The following NDUFAF2 variants were observed in gnomAD, a reference collection of about 807,000 sequenced individuals.
The protein encoded by NDUFAF2 is NADH dehydrogenase [ubiquinone] 1 alpha subcomplex assembly factor 2.
In NDUFAF2, 13 loss-of-function variants were observed where a neutral mutation model predicts 22.8. That is an observed-to-expected ratio of 0.57 (90% CI 0.37 to 0.91). The LOEUF is 0.91. NDUFAF2 is among the 40% of genes least tolerant of loss of function. The pLI is 0.01. For synonymous variants in NDUFAF2, 53 were observed against 64.2 expected (o/e 0.83, Z 0.84); for missense variants, 162 against 195.2 (o/e 0.83, Z 1.01).
chr5:61,096,338 C>A (rs974922673), intron 2 of NDUFAF2, among the ~76,000 whole-genome samples: 1 of 152,126 alleles, frequency 6.6e-6, no homozygotes, highest in Admixed American at 6.5e-5. Context: ...TGGTGGCTCA[C>A]GCCTGTAATC....
chr5:60,972,100 G>A (rs894380208), intron 1 of NDUFAF2, among the ~76,000 whole-genome samples: 1 of 151,810 alleles, frequency 6.6e-6, no homozygotes, highest in South Asian at 2.1e-4. Flanking sequence ...ACGCCACCGA[G>A]CCTGGCTAAT....
chr5:61,023,029 T>C (rs1202855157), intron 1 of NDUFAF2, among the ~76,000 whole-genome samples: 1 of 152,182 alleles, frequency 6.6e-6, no homozygotes, highest in Non-Finnish European at 1.5e-5. Flanking sequence ...ATTTTTGTTT[T>C]TCCTAGACCC....
rs576653030 is a variant in NDUFAF2 at position 61,014,733 on chromosome 5, C to A, written c.128-58392C>A. 4.6e-5 allele frequency among the ~76,000 whole-genome samples: 7 copies of A among 152,220 alleles called. No individual in the cohort carries two copies. The East Asian group carries it at 5.8e-4, about 13-fold the overall frequency. On this transcript the variant is annotated intron_variant, in intron 1 of 3. Transcript: ENST00000296597. The stretch of plus-strand genomic sequence containing the variant: ...GAATAATTGGTTGGTGTGAAGAAAA[C>A]CCCCACATATTTGATTCCAGAAGTT...
intron 1 of NDUFAF2, among the ~76,000 whole-genome samples, chr5:60,962,170 T>G (rs1032760368): frequency 2.1e-4 from 27 of 125,966 alleles, no homozygotes; most frequent in South Asian, 1.1e-3. Context: ...GTTATCTTGG[T>G]TTTTTTTTTT....
intron 3 of NDUFAF2, among the ~76,000 whole-genome samples, chr5:61,136,836 C>G (rs1426773666): frequency 1.3e-5 from 2 of 152,154 alleles, no homozygotes; most frequent in East Asian, 3.8e-4. Flanking sequence ...GGGTATTTAT[C>G]CACCAATTTC....
At chr5:61,033,971 T>C (rs1378336851) in intron 1 of NDUFAF2, among the ~76,000 whole-genome samples, 2 of 152,180 alleles carry the variant, frequency 1.3e-5, no homozygotes, top group Non-Finnish European at 2.9e-5. Context: ...ACTTATGGCC[T>C]AATTCTGATC....
At chr5:60,966,278 A>T (rs1484624905) in intron 1 of NDUFAF2, among the ~76,000 whole-genome samples, 1 of 152,002 alleles carries the variant, frequency 6.6e-6, no homozygotes, top group Non-Finnish European at 1.5e-5. Flanking sequence ...TTAACCCTTT[A>T]TCAGGTGTAC....
intron 1 of NDUFAF2, among the ~76,000 whole-genome samples, chr5:60,971,999 G>A (rs1489833872): frequency 6.9e-6 from 1 of 144,930 alleles, no homozygotes; most frequent in Non-Finnish European, 1.5e-5. Context: ...CTGGAGTGCA[G>A]TGGTGTGATC....
At chr5:61,027,982 T>A (rs1751673720) in intron 1 of NDUFAF2, among the ~76,000 whole-genome samples, 1 of 152,020 alleles carries the variant, frequency 6.6e-6, no homozygotes, top group Non-Finnish European at 1.5e-5. Context: ...ACACAAAGCC[T>A]TCTTTCCACC....
chr5:61,008,133 C>T (rs1751394308), intron 1 of NDUFAF2, among the ~76,000 whole-genome samples: 1 of 125,468 alleles, frequency 8.0e-6, no homozygotes, highest in African/African-American at 3.2e-5. Context: ...AGGGGAACAT[C>T]ACACTCTGGG....
chr5:61,037,957 CAAAAAATGCAGA>C (rs1751820237), intron 1 of NDUFAF2, among the ~76,000 whole-genome samples: 3 of 150,354 alleles, frequency 2.0e-5, no homozygotes, highest in African/African-American at 4.9e-5. Flanking sequence ...AGTTGAGCTG[CAAAAAATGCAGA>C]CTTCTGAGGG....
intron 1 of NDUFAF2, among the ~76,000 whole-genome samples, chr5:60,993,479 G>C (rs922215315): frequency 4.6e-5 from 7 of 152,234 alleles, no homozygotes; most frequent in African/African-American, 1.7e-4. Flanking sequence ...AATGAGGTAT[G>C]TGGACAAGTG....
intron 3 of NDUFAF2, among the ~76,000 whole-genome samples, chr5:61,152,419 A>G (rs963630034): frequency 1.3e-5 from 2 of 152,126 alleles, no homozygotes; most frequent in Non-Finnish European, 2.9e-5. Flanking sequence ...CTTCTGTGTA[A>G]TATTTCACAT....
intron 1 of NDUFAF2, among the ~76,000 whole-genome samples, chr5:60,994,686 C>T (rs1045029048): frequency 1.3e-5 from 2 of 152,126 alleles, no homozygotes; most frequent in Non-Finnish European, 2.9e-5. Flanking sequence ...TGGGTTAAAT[C>T]AGCTTGGTGT....
intron 1 of NDUFAF2, 74 bp downstream of exon 1, chr5:60,945,456 C>A (rs537537014): frequency 6.3e-7 from 1 of 1,597,402 alleles, no homozygotes; most frequent in Non-Finnish European, 8.6e-7. Flanking sequence ...AAGTGAGAGC[C>A]CCTAGTCAAC....
At chr5:60,994,059 T>C (rs1324319776) in intron 1 of NDUFAF2, among the ~76,000 whole-genome samples, 1 of 152,176 alleles carries the variant, frequency 6.6e-6, no homozygotes, top group Non-Finnish European at 1.5e-5. Flanking sequence ...CCCCACGGCT[T>C]CCCTCCCATG....
At chr5:60,952,119 G>A (rs1580064163) in intron 1 of NDUFAF2, among the ~76,000 whole-genome samples, 2 of 151,824 alleles carry the variant, frequency 1.3e-5, no homozygotes, top group East Asian at 3.9e-4. Context: ...CCTATCTGAT[G>A]AGTGGTTTGT....
At chr5:61,144,214 G>A (rs147324599) in intron 3 of NDUFAF2, among the ~76,000 whole-genome samples, 3 of 152,012 alleles carry the variant, frequency 2.0e-5, no homozygotes, top group African/African-American at 7.2e-5. Flanking sequence ...TACATATAAG[G>A]TATTACTGAA....
Position 60,982,681 on chromosome 5 carries a change from A to G in NDUFAF2, c.127+37299A>G, listed in dbSNP as rs191109248. Among the ~76,000 whole-genome samples, 505 of 151,634 alleles carry G rather than the reference A, an allele frequency of 3.3e-3. 3 individuals carry two copies. The highest frequency in any genetic ancestry group is 0.011 in the African/African-American group (457 of 41,344). On this transcript the variant is annotated intron_variant, in intron 1 of 3. Coordinates refer to ENST00000296597, the MANE Select transcript of NDUFAF2 (RefSeq NM_174889.5). ...CTTTTGTCCTTGCGATAGTTTACTG[A>G]GAATGATGGTTTCCAGCTTCGTCCA...
Sources: gnomAD v4.1 joint callset for allele counts (sites outside exome capture counted in the v4.1 genomes callset) on GRCh38, gnomAD v4.1.1 for gene constraint, MANE v1.5 for transcripts, NCBI Gene and HGNC (gene_info 2026-07-23, HGNC 2026-07-21) for gene names.